The following TFEC variants were observed in gnomAD, a reference collection of about 807,000 sequenced individuals.
The protein encoded by TFEC is class E basic helix-loop-helix protein 34.
A neutral mutation model predicts 41.6 loss-of-function variants in TFEC; 31 were observed. The observed-to-expected ratio is 0.74, with a 90% CI of 0.56 to 1.01. The LOEUF (loss-of-function observed/expected upper bound fraction) is 1.01. Ranked by LOEUF, TFEC falls within the 50% of genes least tolerant of loss-of-function variation. The pLI, the probability that TFEC is intolerant of heterozygous loss-of-function variation, is 0.00. For synonymous variants in TFEC, 143 were observed against 140.6 expected, an observed-to-expected ratio of 1.02 and a Z score of -0.12; for missense variants, 402 against 404.1, an observed-to-expected ratio of 0.99 and a Z score of 0.04.
chr7:116,026,558 G>C (rs965097128), intron 1 of TFEC, among the ~76,000 whole-genome samples: 3 of 152,056 alleles, frequency 2.0e-5, no homozygotes, highest in Admixed American at 6.5e-5. Flanking sequence ...TACTGAACGA[G>C]GTAAAATCAC....
At chr7:115,961,556 C>T (rs1227662691) in intron 3 of TFEC, among the ~76,000 whole-genome samples, 6 of 150,546 alleles carry the variant, frequency 4.0e-5, no homozygotes, top group South Asian at 4.2e-4. Flanking sequence ...ATAATAAGGC[C>T]GTAAATCAGT....
At chr7:115,963,675 TG>T (rs1792688602) in intron 3 of TFEC, among the ~76,000 whole-genome samples, 2 of 151,660 alleles carry the variant, frequency 1.3e-5, no homozygotes, top group Non-Finnish European at 3.0e-5. Context: ...GGATATATAT[TG>T]TATTATTTTA....
At chr7:116,020,303 A>G (rs572490065) in intron 1 of TFEC, among the ~76,000 whole-genome samples, 2 of 152,316 alleles carry the variant, frequency 1.3e-5, no homozygotes, top group African/African-American at 2.4e-5. Context: ...GAGCAATCCA[A>G]TAGGCTCTGT....
At position 116,080,322 on chromosome 7, in the gene TFEC, G is replaced by C. The variant is rs568302270; in HGVS notation, c.198+30386C>G. The stretch of plus-strand genomic sequence containing the variant: ...ATGCAACAAAAAGATAAATAGATGG[G>C]ACTTAATTAAACTAAAAAGCTTCTG... On this transcript the variant is annotated intron_variant, in intron 3 of 8. Transcript: ENST00000484212. 3.3e-5 allele frequency among the ~76,000 whole-genome samples: 5 copies of C among 152,062 alleles called. No homozygotes were observed. The South Asian group carries it at 6.2e-4, about 19-fold the overall frequency.
At chr7:116,090,306 T>A (rs1033648100) in intron 3 of TFEC, among the ~76,000 whole-genome samples, 4 of 152,126 alleles carry the variant, frequency 2.6e-5, no homozygotes, top group African/African-American at 9.7e-5. Context: ...GAGCACCAAG[T>A]GGCCCATGGG....
At chr7:116,139,876 C>A (rs1179956381) in intron 1 of TFEC, among the ~76,000 whole-genome samples, 1 of 152,076 alleles carries the variant, frequency 6.6e-6, no homozygotes, top group African/African-American at 2.4e-5. Flanking sequence ...AGAAAGAAAC[C>A]AGCTGAACCT....
At chr7:116,147,408 TA>T (rs575420053) in intron 1 of TFEC, among the ~76,000 whole-genome samples, 171 of 152,318 alleles carry the variant, frequency 1.1e-3, no homozygotes, top group Non-Finnish European at 1.8e-3. Flanking sequence ...TATCTTTTTA[TA>T]TTTTTTTTAT....
At chr7:116,159,460 A>G (rs17304088) in intron 1 of TFEC, among the ~76,000 whole-genome samples, 4,340 of 152,126 alleles carry the variant, frequency 0.029, 72 homozygotes, top group Middle Eastern at 0.041. Flanking sequence ...CCAATTCTCT[A>G]TAAACTTCAG....
chr7:115,989,891 A>G (rs1359158854), intron 1 of TFEC, among the ~76,000 whole-genome samples: 4 of 152,196 alleles, frequency 2.6e-5, no homozygotes, highest in Non-Finnish European at 4.4e-5. Flanking sequence ...TTCTCCCAGC[A>G]CGGAGTCTGA....
At chr7:116,013,321 T>C (rs988837591) in intron 1 of TFEC, among the ~76,000 whole-genome samples, 1 of 152,126 alleles carries the variant, frequency 6.6e-6, no homozygotes, top group African/African-American at 2.4e-5. Flanking sequence ...TTCAGTTACA[T>C]GGTTGTCATA....
intron 1 of TFEC, among the ~76,000 whole-genome samples, chr7:116,023,883 T>G (rs1199759105): frequency 6.6e-6 from 1 of 152,172 alleles, no homozygotes; most frequent in Non-Finnish European, 1.5e-5. Context: ...TTCGCCTCTC[T>G]GACCAAATCT....
At chr7:116,103,661 G>T (rs561820452) in intron 3 of TFEC, among the ~76,000 whole-genome samples, 1 of 151,942 alleles carries the variant, frequency 6.6e-6, no homozygotes, top group Non-Finnish European at 1.5e-5. Flanking sequence ...CAGTTAACAC[G>T]TAGAGACACG....
intron 3 of TFEC, among the ~76,000 whole-genome samples, chr7:116,056,847 G>C (rs1336187780): frequency 6.6e-6 from 1 of 151,962 alleles, no homozygotes; most frequent in Non-Finnish European, 1.5e-5. Flanking sequence ...CCATAATAAA[G>C]AGAACTATCA....
intron 3 of TFEC, among the ~76,000 whole-genome samples, chr7:116,075,315 G>A (rs962792419): frequency 9.2e-5 from 14 of 152,184 alleles, no homozygotes; most frequent in African/African-American, 2.9e-4. Flanking sequence ...AGAGCAGTGT[G>A]TGGAGACTCA....
chr7:116,048,432 A>C (rs1010075033), intron 3 of TFEC, among the ~76,000 whole-genome samples: 13 of 152,252 alleles, frequency 8.5e-5, no homozygotes, highest in African/African-American at 3.1e-4. Context: ...GCTTAGAGAA[A>C]AAAGAGTAAA....
At chr7:116,031,952 T>C (rs970591910), upstream of TFEC, among the ~76,000 whole-genome samples, 64 of 152,142 alleles carry the variant, frequency 4.2e-4, no homozygotes, top group African/African-American at 1.3e-3. Flanking sequence ...TTAGAAACAT[T>C]GTGAGAAAAG....
chr7:115,974,165 C>T lies in TFEC; in HGVS notation c.267+5G>A. 1 of 1,588,654 alleles carries T rather than the reference C, an allele frequency of 6.3e-7. No homozygotes were observed. The highest frequency in any genetic ancestry group is 8.5e-7 in the Non-Finnish European group (1 of 1,169,936). ...AATGACCTTCTTGGGTCTGAAAGCA[C>T]TTACTGTTCTTTGCATTAGCAGAGG... On this transcript the variant is annotated splice_donor_5th_base_variant and intron_variant, in intron 3 of 7. Coordinates refer to ENST00000265440, the MANE Select transcript of TFEC (RefSeq NM_012252.4).
At chr7:116,158,106 T>G (rs1798905514) in intron 1 of TFEC, among the ~76,000 whole-genome samples, 1 of 152,174 alleles carries the variant, frequency 6.6e-6, no homozygotes, top group Non-Finnish European at 1.5e-5. Context: ...AGAGATAGGT[T>G]TAAGCTTCCC....
chr7:116,137,672 G>C (rs187286772), intron 1 of TFEC, among the ~76,000 whole-genome samples: 1 of 152,044 alleles, frequency 6.6e-6, no homozygotes, highest in Non-Finnish European at 1.5e-5. Context: ...CAAACATTAA[G>C]AAATTTACAC....
Sources: allele counts gnomAD v4.1 joint callset (sites outside exome capture counted in the v4.1 genomes callset), GRCh38; gene constraint gnomAD v4.1.1; transcripts MANE v1.5; gene names NCBI Gene and HGNC (gene_info 2026-07-23, HGNC 2026-07-21).